The following MOBP variants were observed in gnomAD, a reference collection of about 807,000 sequenced individuals.
MOBP encodes the protein myelin associated oligodendrocyte basic protein.
MOBP carries 5 observed loss-of-function variants against 15.0 expected under a neutral mutation model. The ratio of observed to expected loss-of-function variants is 0.33; its 90% CI spans 0.17 to 0.70. The LOEUF is 0.70. MOBP is among the 30% of genes least tolerant of loss of function. The pLI is 0.67. For synonymous variants in MOBP, 88 were observed against 99.0 expected (o/e 0.89, Z 0.66); for missense variants, 188 against 257.8 (o/e 0.73, Z 1.85).
intron 2 of MOBP, among the ~76,000 whole-genome samples, chr3:39,482,465 C>A (rs1452334708): frequency 6.6e-6 from 1 of 151,974 alleles, no homozygotes; most frequent in Non-Finnish European, 1.5e-5. Flanking sequence ...TCCTGGCAAA[C>A]ATGGTGAAAC....
Position 39,490,427 on chromosome 3 carries a change from A to G in MOBP, c.-5+10304A>G, listed in dbSNP as rs570999884. On this transcript the variant is annotated intron_variant, in intron 2 of 3. Transcript: ENST00000684792. Reference sequence around the variant, plus strand: ...TTTAACAAAAACTCATTGAAGATTGATAAATATTTTAAGACTCAAAGTTAA... The same window carrying G: ...TTTAACAAAAACTCATTGAAGATTGGTAAATATTTTAAGACTCAAAGTTAA... 2.6e-4 allele frequency among the ~76,000 whole-genome samples: 39 copies of G among 152,348 alleles called. 1 individual carries two copies. The South Asian group carries it at 7.5e-3, about 29-fold the overall frequency.
intron 1 of MOBP, among the ~76,000 whole-genome samples, chr3:39,476,742 A>G (rs1237222194): frequency 1.3e-5 from 2 of 151,974 alleles, no homozygotes; most frequent in African/African-American, 4.8e-5. Context: ...CTGCTTCCCC[A>G]CATTGTGATT....
intron 2 of MOBP, among the ~76,000 whole-genome samples, chr3:39,483,763 C>T (rs2042659898): frequency 6.6e-6 from 1 of 152,188 alleles, no homozygotes. Flanking sequence ...ACCACAAACA[C>T]TGGATTAAGA....
At chr3:39,523,363 T>C (rs189220772) in intron 3 of MOBP, among the ~76,000 whole-genome samples, 16 of 152,352 alleles carry the variant, frequency 1.1e-4, no homozygotes, top group African/African-American at 3.6e-4. Context: ...TATTGCTCTT[T>C]TATTATTCTT....
At chr3:39,488,759 A>G (rs1650116970) in intron 2 of MOBP, among the ~76,000 whole-genome samples, 1 of 152,130 alleles carries the variant, frequency 6.6e-6, no homozygotes, top group African/African-American at 2.4e-5. Context: ...TCTTTACAAC[A>G]AATCGCACAT....
intron 2 of MOBP, among the ~76,000 whole-genome samples, chr3:39,500,332 T>C (rs2042951549): frequency 6.6e-6 from 1 of 152,230 alleles, no homozygotes; most frequent in Non-Finnish European, 1.5e-5. Flanking sequence ...ATTAAATGGG[T>C]GAAGGTAACT....
chr3:39,490,472 A>T (rs886839242), intron 2 of MOBP, among the ~76,000 whole-genome samples: 6 of 152,206 alleles, frequency 3.9e-5, no homozygotes, highest in Non-Finnish European at 7.3e-5. Context: ...CTTTGAAAAA[A>T]TTCAGTATTT....
chr3:39,499,400 A>G (rs930868044), intron 2 of MOBP: 6 of 152,126 alleles, frequency 3.9e-5, no homozygotes, highest in African/African-American at 2.4e-5. Context: ...AAATTCAGCA[A>G]TTTCTCTCCT....
intron 2 of MOBP, among the ~76,000 whole-genome samples, chr3:39,497,260 C>T (rs866103539): frequency 1.3e-5 from 2 of 152,342 alleles, no homozygotes; most frequent in South Asian, 2.1e-4. Flanking sequence ...GACAGGGACC[C>T]TTCTGGCGCT....
At chr3:39,506,997 C>T (rs1380764385), downstream of MOBP, among the ~76,000 whole-genome samples, 3 of 152,086 alleles carry the variant, frequency 2.0e-5, no homozygotes, top group East Asian at 5.8e-4. Flanking sequence ...AGGAACTTTC[C>T]TTCTTCATCT....
chr3:39,496,757 G>A (rs907528469), intron 2 of MOBP, among the ~76,000 whole-genome samples: 3 of 151,772 alleles, frequency 2.0e-5, no homozygotes, highest in East Asian at 1.9e-4. Flanking sequence ...TCTGCCTCCC[G>A]GGTTCAAGCG....
chr3:39,518,373 C>T (rs2043227067), downstream of MOBP, among the ~76,000 whole-genome samples: 1 of 152,084 alleles, frequency 6.6e-6, no homozygotes, highest in South Asian at 2.1e-4. Flanking sequence ...TTTAAAATCA[C>T]CAGGAAGTAA....
chr3:39,475,366 T>C (rs1390577175), intron 1 of MOBP, among the ~76,000 whole-genome samples: 1 of 152,190 alleles, frequency 6.6e-6, no homozygotes, highest in East Asian at 1.9e-4. Flanking sequence ...ATTATTCTTT[T>C]CTTTTTAATT....
intron 2 of MOBP, among the ~76,000 whole-genome samples, chr3:39,488,467 G>C (rs1406071299): frequency 2.6e-5 from 4 of 152,162 alleles, no homozygotes; most frequent in Non-Finnish European, 5.9e-5. Context: ...CATTCAGTCT[G>C]TCTGCATGTC....
intron 1 of MOBP, among the ~76,000 whole-genome samples, chr3:39,479,828 A>G (rs1475778553): frequency 6.6e-6 from 1 of 151,538 alleles, no homozygotes; most frequent in Non-Finnish European, 1.5e-5. Flanking sequence ...TTTTCTGTAT[A>G]ATGTTAAGGC....
At chr3:39,470,316 C>T (rs554525995) in intron 1 of MOBP, among the ~76,000 whole-genome samples, 1 of 152,252 alleles carries the variant, frequency 6.6e-6, no homozygotes, top group South Asian at 2.1e-4. Context: ...AAAAACTGTC[C>T]CCTTATGGGG....
rs34828385 is a variant in MOBP at position 39,468,807 on chromosome 3, T to TATAC, written c.-89+1067_-89+1068insATAC. ...ATACATGTGTGTGTATATATACATA[T>TATAC]GTGTGTGTATACATATTACATATGT... On this transcript the variant is annotated intron_variant, in intron 1 of 3. Transcript: ENST00000684792. 5.0e-5 allele frequency among the ~76,000 whole-genome samples: 4 copies of TATAC among 80,400 alleles called. 1 individual carries two copies. Among genetic ancestry groups the TATAC allele is most frequent in the Admixed American group, 3.1e-4 (3 of 9,724 alleles). The allele number at this position is 80,400 out of a possible 152,430, so 52.7% of individuals were successfully genotyped here.
chr3:39,498,470 C>T (rs2042918368), intron 2 of MOBP, among the ~76,000 whole-genome samples: 1 of 152,178 alleles, frequency 6.6e-6, no homozygotes, highest in East Asian at 1.9e-4. Flanking sequence ...CTTGCCTCAG[C>T]TGCCCGAGTA....
intron 4 of MOBP, among the ~76,000 whole-genome samples, chr3:39,511,333 T>C (rs1217703295): frequency 6.6e-6 from 1 of 152,340 alleles, no homozygotes; most frequent in Non-Finnish European, 1.5e-5. Context: ...TACATGGCCC[T>C]GAATTATCTG....
Sources: gnomAD v4.1 joint callset for allele counts (sites outside exome capture counted in the v4.1 genomes callset) on GRCh38, gnomAD v4.1.1 for gene constraint, MANE v1.5 for transcripts, NCBI Gene and HGNC (gene_info 2026-07-23, HGNC 2026-07-21) for gene names.